CRBN: variants seen among roughly 807,000 people sequenced by gnomAD.
The protein encoded by CRBN is cereblon.
CRBN carries 53 observed loss-of-function variants against 62.2 expected under a neutral mutation model. That is an observed-to-expected ratio of 0.85 (90% CI 0.68 to 1.07). The LOEUF (loss-of-function observed/expected upper bound fraction) is 1.07. Among genes scored for constraint, CRBN ranks in the 50% least tolerant of loss-of-function variants. The probability of loss-of-function intolerance (pLI) is 0.00; values close to 1 mark genes in which losing one functional copy is unlikely to be tolerated. For missense variants in CRBN, 616 were observed against 531.1 expected, an observed-to-expected ratio of 1.16 and a Z score of -1.57; for synonymous variants, 208 against 176.1, an observed-to-expected ratio of 1.18 and a Z score of -1.43.
Position 3,152,641 on chromosome 3 carries a change from T to C in CRBN, c.1017-54A>G, listed in dbSNP as rs2306832. 2,516 of 1,604,704 alleles carry C rather than the reference T, an allele frequency of 1.6e-3. 68 individuals are homozygous for C. In the East Asian group the frequency reaches 0.05, roughly 32 times the overall value. ...CGTCAAAACGAGAAGTCTAATTTTA[T>C]TAAATGCTTAGAATTTTATTGAAGT... On this transcript the variant is annotated intron_variant, in intron 9 of 10. Transcript: ENST00000231948.
intron 6 of CRBN, 109 bp from the exon 7 acceptor site, chr3:3,154,940 C>A: frequency 1.4e-6 from 1 of 721,542 alleles, no homozygotes; most frequent in South Asian, 1.5e-5. Context: ...ATCACTCAGT[C>A]CCATCTCAGT....
intron 5 of CRBN, among the ~76,000 whole-genome samples, chr3:3,164,460 C>G (rs1707250002): frequency 6.6e-6 from 1 of 152,160 alleles, no homozygotes; most frequent in Non-Finnish European, 1.5e-5. Context: ...GAGAAAGTCC[C>G]TAAGTCTCCT....
chr3:3,177,389 T>A (rs1053944843), intron 1 of CRBN, among the ~76,000 whole-genome samples: 3 of 152,234 alleles, frequency 2.0e-5, no homozygotes, highest in African/African-American at 7.2e-5. Flanking sequence ...TTATTACAAC[T>A]TCCTAGATAT....
intron 5 of CRBN, among the ~76,000 whole-genome samples, chr3:3,158,035 A>C (rs79037974): frequency 6.6e-6 from 1 of 152,014 alleles, no homozygotes; most frequent in Admixed American, 6.5e-5. Flanking sequence ...TTCTGGCTTA[A>C]TATAATCCTT....
chr3:3,151,159 T>TAA, intron 10 of CRBN, 114 bp from the exon 11 acceptor site: 1 of 1,127,084 alleles, frequency 8.9e-7, no homozygotes, highest in Non-Finnish European at 1.3e-6. Context: ...TTAGAGATTC[T>TAA]AAGTTGAGAT....
intron 7 of CRBN, chr3:3,154,385 G>C (rs1381521261): frequency 1.6e-5 from 7 of 428,544 alleles, no homozygotes; most frequent in South Asian, 2.6e-5. Context: ...CAGATAAAGA[G>C]AGTATCTATA....
chr3:3,179,477 G>A (rs1337269838), intron 1 of CRBN, 144 bp downstream of exon 1: 10 of 730,030 alleles, frequency 1.4e-5, no homozygotes, highest in Non-Finnish European at 2.1e-5. Context: ...GAGGGCCGAC[G>A]TGAAGCAGCT....
intron 3 of CRBN, 115 bp downstream of exon 3, chr3:3,173,944 T>C: frequency 1.1e-6 from 1 of 909,116 alleles, no homozygotes; most frequent in South Asian, 1.3e-5. Flanking sequence ...AACCTCACAT[T>C]CTTACCCAAC....
At chr3:3,179,214 C>G (rs2126072315) in intron 1 of CRBN, among the ~76,000 whole-genome samples, 1 of 152,214 alleles carries the variant, frequency 6.6e-6, no homozygotes, top group African/African-American at 2.4e-5. Flanking sequence ...CTGCACGGCT[C>G]GTAACATGGT....
At chr3:3,177,568 G>C (rs1041906501) in intron 1 of CRBN, among the ~76,000 whole-genome samples, 1 of 152,146 alleles carries the variant, frequency 6.6e-6, no homozygotes, top group Admixed American at 6.5e-5. Context: ...TTCCAACTCT[G>C]ACAGTATGGC....
Position 3,163,771 on chromosome 3 carries a change from A to T in CRBN, c.687+3863T>A, listed in dbSNP as rs140314517. Among the ~76,000 whole-genome samples, 10 of 152,290 alleles carry T rather than the reference A, an allele frequency of 6.6e-5. No individual in the cohort carries two copies. In the East Asian group the frequency reaches 1.9e-3, roughly 29 times the overall value. On this transcript the variant is annotated intron_variant, in intron 5 of 10. Coordinates refer to ENST00000231948, the MANE Select transcript of CRBN (RefSeq NM_016302.4). ...GCGGAAGAACTATTCTATATACCCA[A>T]ATACTTAATACAGGCATACTGTGAT...
intron 5 of CRBN, among the ~76,000 whole-genome samples, chr3:3,167,184 A>G (rs1264029502): frequency 6.6e-6 from 1 of 152,112 alleles, no homozygotes; most frequent in Non-Finnish European, 1.5e-5. Context: ...CTGCGATGTC[A>G]ACTGTATTTC....
At chr3:3,174,315 T>A in intron 2 of CRBN, 54 bp from the exon 3 acceptor site, 1 of 1,366,100 alleles carries the variant, frequency 7.3e-7, no homozygotes, top group Non-Finnish European at 1.0e-6. Context: ...AATAAAAATG[T>A]AAGCTCAACA....
chr3:3,173,141 T>C (rs938069310), intron 3 of CRBN, among the ~76,000 whole-genome samples: 1 of 152,170 alleles, frequency 6.6e-6, no homozygotes, highest in Non-Finnish European at 1.5e-5. Context: ...TGCTGCAGCC[T>C]CTGCCTCCCA....
At chr3:3,177,260 G>A (rs1485546981) in intron 1 of CRBN, among the ~76,000 whole-genome samples, 6 of 152,098 alleles carry the variant, frequency 3.9e-5, no homozygotes, top group East Asian at 1.9e-4. Flanking sequence ...ATGTCATTAC[G>A]AAATAATCAT....
At chr3:3,167,918 A>G in intron 4 of CRBN, 125 bp from the exon 5 acceptor site, 1 of 823,128 alleles carries the variant, frequency 1.2e-6, no homozygotes. Context: ...AAACATATTC[A>G]TCAAATACTG....
At chr3:3,165,954 T>A (rs535908707) in intron 5 of CRBN, among the ~76,000 whole-genome samples, 2 of 152,322 alleles carry the variant, frequency 1.3e-5, no homozygotes, top group South Asian at 4.1e-4. Flanking sequence ...GGCCACATAC[T>A]GACAGTGATC....
upstream of CRBN, chr3:3,179,709 G>C: frequency 6.2e-7 from 1 of 1,610,298 alleles, no homozygotes; most frequent in African/African-American, 1.3e-5. Context: ...CGCAAAGGAG[G>C]CTGGGACAGG....
At chr3:3,164,540 C>A (rs1398532742) in intron 5 of CRBN, among the ~76,000 whole-genome samples, 1 of 152,136 alleles carries the variant, frequency 6.6e-6, no homozygotes, top group African/African-American at 2.4e-5. Flanking sequence ...AATCCTAGGG[C>A]CCTTTAAGAA....
Sources: gnomAD v4.1 joint callset for allele counts (sites outside exome capture counted in the v4.1 genomes callset) on GRCh38, gnomAD v4.1.1 for gene constraint, MANE v1.5 for transcripts, NCBI Gene and HGNC (gene_info 2026-07-23, HGNC 2026-07-21) for gene names.